CSMD1: variants seen among roughly 807,000 people sequenced by gnomAD.
CSMD1 encodes the protein CUB and sushi domain-containing protein 1.
In CSMD1, 213 loss-of-function variants were observed where a neutral mutation model predicts 417.5. That is an observed-to-expected ratio of 0.51 (90% CI 0.46 to 0.57). The LOEUF (loss-of-function observed/expected upper bound fraction) is 0.57. Among genes scored for constraint, CSMD1 ranks in the 20% least tolerant of loss-of-function variants. CSMD1 has a pLI of 0.00. For missense variants in CSMD1, 6,923 were observed against 4,529.7 expected (o/e 1.53, Z -15.17); for synonymous variants, 2,862 against 1,736.8 (o/e 1.65, Z -16.11).
At chr8:3,995,627 C>G (rs977082105) in intron 5 of CSMD1, among the ~76,000 whole-genome samples, 8 of 152,194 alleles carry the variant, frequency 5.3e-5, no homozygotes, top group Non-Finnish European at 8.8e-5. Flanking sequence ...GCTTTGCCAT[C>G]TCTTGTCCTC....
At chr8:4,137,719 G>A (rs969053133) in intron 3 of CSMD1, among the ~76,000 whole-genome samples, 2 of 91,034 alleles carry the variant, frequency 2.2e-5, no homozygotes, top group Non-Finnish European at 6.0e-5. Flanking sequence ...TAAAGATACT[G>A]TATTTCACGA....
At chr8:3,874,663 T>A (rs747603562) in intron 5 of CSMD1, among the ~76,000 whole-genome samples, 1 of 152,136 alleles carries the variant, frequency 6.6e-6, no homozygotes, top group African/African-American at 2.4e-5. Context: ...GCCATGTTTT[T>A]CTCTGTGGAT....
At chr8:3,630,001 G>A (rs1796698677) in intron 7 of CSMD1, among the ~76,000 whole-genome samples, 1 of 152,158 alleles carries the variant, frequency 6.6e-6, no homozygotes, top group Admixed American at 6.5e-5. Context: ...TATTTGAACA[G>A]GCCCCAGAGT....
At chr8:4,300,704 T>C (rs1471964396) in intron 3 of CSMD1, among the ~76,000 whole-genome samples, 1 of 152,084 alleles carries the variant, frequency 6.6e-6, no homozygotes, top group Non-Finnish European at 1.5e-5. Flanking sequence ...CCCACAACAG[T>C]CCCCGGAGTG....
chr8:3,086,230 T>C (rs1203021864), intron 49 of CSMD1, among the ~76,000 whole-genome samples: 1 of 152,226 alleles, frequency 6.6e-6, no homozygotes, highest in Non-Finnish European at 1.5e-5. Flanking sequence ...CCTAATGAAG[T>C]AAGCTGCTTG....
intron 3 of CSMD1, among the ~76,000 whole-genome samples, chr8:4,417,800 A>G (rs1797027813): frequency 1.3e-5 from 2 of 152,066 alleles, no homozygotes; most frequent in Admixed American, 6.6e-5. Context: ...ACATATATAT[A>G]CATGTACAAA....
intron 7 of CSMD1, among the ~76,000 whole-genome samples, chr8:3,618,602 G>T (rs934604225): frequency 6.6e-6 from 1 of 151,924 alleles, no homozygotes. Flanking sequence ...TTTGGTGATA[G>T]CATCAGTAGA....
At chr8:3,930,185 C>T (rs1014624151) in intron 5 of CSMD1, among the ~76,000 whole-genome samples, 3 of 150,002 alleles carry the variant, frequency 2.0e-5, no homozygotes, top group Non-Finnish European at 3.0e-5. Context: ...TTATACTTGC[C>T]GTATCTATTA....
chr8:4,389,203 G>C (rs188775061), intron 3 of CSMD1, among the ~76,000 whole-genome samples: 9 of 152,110 alleles, frequency 5.9e-5, no homozygotes, highest in African/African-American at 2.2e-4. Flanking sequence ...TTTTCTGGAG[G>C]GAGTGGGCTA....
intron 1 of CSMD1, among the ~76,000 whole-genome samples, chr8:4,775,041 G>A (rs1362341379): frequency 6.6e-6 from 1 of 151,944 alleles, no homozygotes; most frequent in African/African-American, 2.4e-5. Flanking sequence ...ATGAACAATA[G>A]GAAATCAAGA....
At chr8:3,836,673 A>T (rs111406840) in intron 5 of CSMD1, among the ~76,000 whole-genome samples, 22 of 152,232 alleles carry the variant, frequency 1.4e-4, no homozygotes, top group African/African-American at 5.1e-4. Flanking sequence ...AGTTCCTGTA[A>T]TAACCTTTGT....
chr8:4,372,631 T>TA (rs10606022), intron 3 of CSMD1, among the ~76,000 whole-genome samples: 232 of 145,470 alleles, frequency 1.6e-3, no homozygotes, highest in East Asian at 5.4e-3. Context: ...AAGGAAGTGT[T>TA]AAAAAAAAAA....
Position 4,073,972 on chromosome 8 carries a change from T to A in CSMD1, c.416-41873A>T, listed in dbSNP as rs575017177. Among the ~76,000 whole-genome samples, 493 of 151,874 alleles carry A rather than the reference T, an allele frequency of 3.2e-3. 5 individuals are homozygous for A. Among genetic ancestry groups the A allele is most frequent in the African/African-American group, 0.011 (462 of 41,258 alleles). ...CTTTTGATAAATCACTATAATAAAATCTTTGTCATTGGCTTTGGGAAGCTT... is the reference window on the plus strand; with the variant it reads ...CTTTTGATAAATCACTATAATAAAAACTTTGTCATTGGCTTTGGGAAGCTT... On this transcript the variant is annotated intron_variant, in intron 3 of 69. Transcript: ENST00000635120.
intron 2 of CSMD1, among the ~76,000 whole-genome samples, chr8:4,492,465 A>T (rs1377995630): frequency 6.6e-6 from 1 of 152,234 alleles, no homozygotes; most frequent in African/African-American, 2.4e-5. Flanking sequence ...AGTAAACATG[A>T]GCTTAGATTC....
At chr8:3,977,973 T>C (rs1415088329) in intron 5 of CSMD1, among the ~76,000 whole-genome samples, 2 of 152,218 alleles carry the variant, frequency 1.3e-5, no homozygotes, top group African/African-American at 2.4e-5. Flanking sequence ...CGTGTCCATC[T>C]ACTAGCTCTT....
chr8:4,056,779 T>C (rs1229256100), intron 3 of CSMD1, among the ~76,000 whole-genome samples: 2 of 151,798 alleles, frequency 1.3e-5, no homozygotes, highest in African/African-American at 2.4e-5. Flanking sequence ...AGTGAGAACA[T>C]GCGGTGTTTC....
chr8:3,825,069 T>C (rs1032235506), intron 5 of CSMD1, among the ~76,000 whole-genome samples: 1 of 152,200 alleles, frequency 6.6e-6, no homozygotes, highest in South Asian at 2.1e-4. Flanking sequence ...TGAGGGCTTC[T>C]AGGTATGTGT....
chr8:4,376,474 G>A (rs965792738), intron 3 of CSMD1, among the ~76,000 whole-genome samples: 1 of 152,136 alleles, frequency 6.6e-6, no homozygotes, highest in Admixed American at 6.5e-5. Context: ...CATTTAGAAA[G>A]AAAACCTCCA....
chr8:2,974,151 A>G (rs1172345456), intron 56 of CSMD1, among the ~76,000 whole-genome samples: 2 of 152,146 alleles, frequency 1.3e-5, no homozygotes, highest in African/African-American at 2.4e-5. Flanking sequence ...CATAAAAAAG[A>G]ATAAAGAGCG....
Sources: allele counts gnomAD v4.1 joint callset (sites outside exome capture counted in the v4.1 genomes callset), GRCh38; gene constraint gnomAD v4.1.1; transcripts MANE v1.5; gene names NCBI Gene and HGNC (gene_info 2026-07-23, HGNC 2026-07-21).